MYADM: variants seen among roughly 807,000 people sequenced by gnomAD.
MYADM encodes myeloid-associated differentiation marker.
For missense variants in MYADM, 416 were observed against 443.4 expected (o/e 0.94, Z 0.56); for synonymous variants, 224 against 210.2 (o/e 1.07, Z -0.57).
chr19:53,872,513 ATTT>A, intron 2 of MYADM, among the ~76,000 whole-genome samples: 1 of 145,354 alleles, frequency 6.9e-6, no homozygotes, highest in East Asian at 2.0e-4. Flanking sequence ...ATTAAAAAAA[ATTT>A]TTTTTTTTTG....
chr19:53,873,089 A>G lies in MYADM; in HGVS notation c.-2-439A>G, dbSNP rs2122932641. On this transcript the variant is annotated intron_variant, in intron 2 of 2. Coordinates refer to ENST00000391770, the MANE Select transcript of MYADM (RefSeq NM_138373.5). This position sits in a 1 kb window ranked among gnomAD's most constrained non-coding sequence, Gnocchi z 4.3. ...AGGACTGTCCCCATTTGAAAACCCA[A>G]GGCTGGGCCCGGTGGCTCACGCCTA... is the stretch of plus-strand genomic sequence containing the variant. Among the ~76,000 whole-genome samples, 3 of 152,298 alleles carry G rather than the reference A, an allele frequency of 2.0e-5. 1 individual carries two copies. In the South Asian group the frequency reaches 6.2e-4, roughly 32 times the overall value.
rs756954605 is a variant in MYADM at position 53,875,541 on chromosome 19, G to GAAAAAA, written c.*1053_*1058dup. ...CAACTATTCTCTGTGGTATCAAAAA[G>GAAAAAA]AAAAAAAAAAAAAAAGAAGGAGTCG... On this transcript the variant is annotated 3_prime_UTR_variant, in exon 3 of 3. Coordinates refer to ENST00000391770, the MANE Select transcript of MYADM (RefSeq NM_138373.5). 8.0e-6 allele frequency: 1 copy of GAAAAAA among 125,770 alleles called. No homozygotes were observed. The highest frequency in any genetic ancestry group is 1.9e-5 in the Non-Finnish European group (1 of 53,722). The allele number at this position is 125,770 out of a possible 1,614,324, so 7.8% of individuals were successfully genotyped here.
At chr19:53,869,072 G>C (rs2068303355) in intron 1 of MYADM, 1 of 152,300 alleles carries the variant, frequency 6.6e-6, no homozygotes, top group Non-Finnish European at 1.5e-5. Flanking sequence ...TCTGGCTCCG[G>C]GTGGAGCCTC....
At chr19:53,869,995 G>A (rs2068338101) in intron 2 of MYADM, among the ~76,000 whole-genome samples, 157 bp downstream of exon 2, 1 of 128,126 alleles carries the variant, frequency 7.8e-6, no homozygotes, top group Non-Finnish European at 1.6e-5. Context: ...GGGTCCGAGG[G>A]AGGAGGGGCT....
chr19:53,866,103 GCAGACC>G (rs2068241381), upstream of MYADM: 1 of 152,286 alleles, frequency 6.6e-6, no homozygotes, highest in Non-Finnish European at 1.5e-5. The surrounding 1 kb of genome is among the most constrained non-coding windows in gnomAD (Gnocchi z 4.3). Flanking sequence ...CTCCACTCCT[GCAGACC>G]CCCGCCTTCC....
rs376597983 is a variant in MYADM at position 53,874,404 on chromosome 19, G to A, written c.875G>A (p.Arg292His). The A allele has an allele frequency of 1.4e-5, 22 of 1,614,172 alleles. No homozygotes were observed. Among genetic ancestry groups the A allele is most frequent in the Non-Finnish European group, 1.8e-5 (21 of 1,179,992 alleles). Residue 292 changes from arginine to histidine, a missense_variant, in exon 3 of 3, where the codon CGC becomes CAC. Coordinates refer to ENST00000391770, the MANE Select transcript of MYADM (RefSeq NM_138373.5). ...SHAYYVCAWDRRLAVAILTAI... is the reference protein window; with the variant it reads ...SHAYYVCAWDHRLAVAILTAI... ...GCCTACTACGTGTGTGCCTGGGACC[G>A]CCGACTGGCTGTGGCCATCCTGACG...
chr19:53,874,149 T>C lies in MYADM; in HGVS notation c.620T>C (p.Val207Ala). Reference protein sequence around the residue: ...YQHQPALEWCVAVYAICFILA... With the variant: ...YQHQPALEWCAAVYAICFILA... The stretch of plus-strand genomic sequence containing the variant: ...CACCAGCCGGCCCTGGAGTGGTGCG[T>C]GGCGGTGTACGCCATCTGCTTCATC... Residue 207 changes from valine to alanine, a missense_variant, in exon 3 of 3, where the codon GTG (valine) becomes GCG (alanine). Physicochemically the swap from Val to Ala is moderately conservative, Grantham distance 64. Transcript: ENST00000391770. 6.2e-7 allele frequency: 1 copy of C among 1,613,736 alleles called. No individual in the cohort carries two copies. Among genetic ancestry groups the C allele is most frequent in the Non-Finnish European group, 8.5e-7 (1 of 1,180,038 alleles).
In MYADM at chr19:53,873,594, C is replaced by A. The variant is rs763136981; in HGVS notation, c.65C>A (p.Ser22Tyr). 3.7e-6 allele frequency: 6 copies of A among 1,613,740 alleles called. No individual in the cohort carries two copies. Among genetic ancestry groups the A allele is most frequent in the Non-Finnish European group, 4.2e-6 (5 of 1,179,740 alleles). The change falls in exon 3 of 3, where the codon TCC (serine) becomes TAC (tyrosine). Residue 22 changes from serine (S) to tyrosine (Y), a missense_variant. Transcript: ENST00000391770. The surrounding 1 kb of genome is among the most constrained non-coding windows in gnomAD (Gnocchi z 4.3). Reference sequence around the variant, plus strand: ...ACGACGTCATCTTCGGGCCTGGGGTCCCCCATGATCGTGGGGTCCCCTCGG... The same window carrying A: ...ACGACGTCATCTTCGGGCCTGGGGTACCCCATGATCGTGGGGTCCCCTCGG... ...TTTTSSSGLG[S>Y]PMIVGSPRAL...
Position 53,873,510 on chromosome 19 carries a change from T to C in MYADM, c.-2-18T>C. On this transcript the variant is annotated intron_variant, in intron 2 of 2. Coordinates refer to ENST00000391770, the MANE Select transcript of MYADM (RefSeq NM_138373.5). The surrounding 1 kb of genome is among the most constrained non-coding windows in gnomAD (Gnocchi z 4.3). The stretch of plus-strand genomic sequence containing the variant: ...TGTTTGTGACTGTATAAGGACACTG[T>C]CTTTCCCCTTTTTGCAGCCATGCCA... The C allele has an allele frequency of 2.5e-6, 4 of 1,584,904 alleles. No individual in the cohort carries two copies. The highest frequency in any genetic ancestry group is 3.4e-6 in the Non-Finnish European group (4 of 1,164,262).
rs895337067 is a variant in MYADM at position 53,873,448 on chromosome 19, C to T, written c.-2-80C>T. ...TAATTAGAGCTCATATTAATTTGTC[C>T]CTGGGGTAGGCAATGGCTAAGGGAC... On this transcript the variant is annotated intron_variant, in intron 2 of 2. Transcript: ENST00000391770. The surrounding 1 kb of genome is among the most constrained non-coding windows in gnomAD (Gnocchi z 4.3). The T allele has an allele frequency of 1.7e-5, 25 of 1,453,022 alleles. 1 individual carries two copies. In the Middle Eastern group the frequency reaches 2.2e-3, roughly 126 times the overall value. 90.0% of individuals were successfully genotyped at this position (1,453,022 alleles called of 1,614,324 possible).
At chr19:53,866,419 T>A (rs1428569501), upstream of MYADM, 1 of 152,036 alleles carries the variant, frequency 6.6e-6, no homozygotes, top group African/African-American at 2.4e-5. The surrounding 1 kb of genome is among the most constrained non-coding windows in gnomAD (Gnocchi z 4.3). Flanking sequence ...CAGAGCGCGG[T>A]GAGTGAACGC....
At position 53,875,674 on chromosome 19, in the gene MYADM, G is replaced by A. The variant is rs1031792547; in HGVS notation, c.*1176G>A. 1.9e-5 allele frequency: 3 copies of A among 155,792 alleles called. No homozygotes were observed. Among genetic ancestry groups the A allele is most frequent in the Non-Finnish European group, 2.9e-5 (2 of 67,946 alleles). 9.7% of individuals were successfully genotyped at this position (155,792 alleles called of 1,614,324 possible). On this transcript the variant is annotated 3_prime_UTR_variant, in exon 3 of 3. Transcript: ENST00000391770. ...GACCAGCCTGGCCAACATGGTGAAA[G>A]CATGTCTCTATTAAAAATACAAAAA...
chr19:53,873,673 C>G lies in MYADM; in HGVS notation c.144C>G (p.Cys48Trp). The change falls in exon 3 of 3, where the codon TGC (cysteine) becomes TGG (tryptophan). Residue 48 changes from cysteine (C) to tryptophan (W), a missense_variant. Transcript: ENST00000391770. The surrounding 1 kb of genome is among the most constrained non-coding windows in gnomAD (Gnocchi z 4.3). ...GCCTGCTGCAGCTGGTGTCTACCTG[C>G]GTGGCCTTCTCGCTGGTGGCTAGCG... Reference protein sequence around the residue: ...LLRLLQLVSTCVAFSLVASVG... With the variant: ...LLRLLQLVSTWVAFSLVASVG... 6.2e-7 allele frequency: 1 copy of G among 1,614,148 alleles called. No individual in the cohort carries two copies. The highest frequency in any genetic ancestry group is 8.5e-7 in the Non-Finnish European group (1 of 1,180,040).
At chr19:53,872,575 C>T (rs930498859) in intron 2 of MYADM, 2 of 151,996 alleles carry the variant, frequency 1.3e-5, no homozygotes, top group African/African-American at 4.8e-5. Flanking sequence ...TGGTGCATCA[C>T]AGCTCACTGC....
intron 1 of MYADM, 152 bp from the exon 2 acceptor site, chr19:53,869,601 TA>T (rs1568729902): frequency 1.3e-5 from 2 of 152,306 alleles, no homozygotes; most frequent in Admixed American, 6.6e-5. Flanking sequence ...CCCAAACAGT[TA>T]ACTGAACGGG....
At position 53,873,540 on chromosome 19, in the gene MYADM, C is replaced by T. The variant is rs368811416; in HGVS notation, c.11C>T (p.Thr4Met). 12 of 1,603,772 alleles carry T rather than the reference C, an allele frequency of 7.5e-6. No individual in the cohort carries two copies. The highest frequency in any genetic ancestry group is 4.4e-5 in the South Asian group (4 of 90,396). Residue 4 changes from threonine (T) to methionine (M), a missense_variant, in exon 3 of 3, where the codon ACG (threonine) becomes ATG (methionine). Coordinates refer to ENST00000391770, the MANE Select transcript of MYADM (RefSeq NM_138373.5). This position sits in a 1 kb window ranked among gnomAD's most constrained non-coding sequence, Gnocchi z 4.3. Reference protein sequence around the residue: MPVTVTRTTITTTT... With the variant: MPVMVTRTTITTTT... ...CCCCTTTTTGCAGCCATGCCAGTGA[C>T]GGTAACCCGCACCACCATCACAACC...
chr19:53,874,462 G>C lies in MYADM; in HGVS notation c.933G>C (p.Leu311=), dbSNP rs751938867. ...AINLLAYVAD[L]VHSAHLVFVK... is the part of the protein sequence containing the mutation. Reference sequence around the variant, plus strand: ...ACCTACTGGCGTATGTGGCTGACCTGGTGCACTCTGCCCACCTGGTTTTTG... The same window carrying C: ...ACCTACTGGCGTATGTGGCTGACCTCGTGCACTCTGCCCACCTGGTTTTTG... Residue 311 remains leucine, a synonymous_variant, in exon 3 of 3, where the codon CTG becomes CTC. Transcript: ENST00000391770. The C allele has an allele frequency of 6.8e-6, 11 of 1,612,522 alleles. No individual in the cohort carries two copies. The Middle Eastern group carries it at 6.6e-4, about 97-fold the overall frequency.
chr19:53,873,526 A>T lies in MYADM; in HGVS notation c.-2-2A>T. 1.3e-6 allele frequency: 2 copies of T among 1,587,814 alleles called. No individual in the cohort carries two copies. The highest frequency in any genetic ancestry group is 1.7e-6 in the Non-Finnish European group (2 of 1,166,984). ...AGGACACTGTCTTTCCCCTTTTTGC[A>T]GCCATGCCAGTGACGGTAACCCGCA... On this transcript the variant is annotated splice_acceptor_variant, in intron 2 of 2. Transcript: ENST00000391770. LOFTEE classifies it low-confidence loss of function (5UTR_SPLICE). This position sits in a 1 kb window ranked among gnomAD's most constrained non-coding sequence, Gnocchi z 4.3.
chr19:53,871,483 G>C (rs536825693), intron 2 of MYADM, among the ~76,000 whole-genome samples: 6 of 152,170 alleles, frequency 3.9e-5, no homozygotes, highest in Non-Finnish European at 7.3e-5. Context: ...GTTAGACTGA[G>C]AGTGAAGGTT....
Sources: allele counts gnomAD v4.1 joint callset (sites outside exome capture counted in the v4.1 genomes callset), GRCh38; gene constraint gnomAD v4.1.1; non-coding constraint Gnocchi (gnomAD v3.1); transcripts MANE v1.5; gene names NCBI Gene and HGNC (gene_info 2026-07-23, HGNC 2026-07-21).